SIPA1L1: variants seen among roughly 807,000 people sequenced by gnomAD.
The protein encoded by SIPA1L1 is signal induced proliferation associated 1 like 1, also known as signal-induced proliferation-associated 1-like protein 1.
SIPA1L1 carries 26 observed loss-of-function variants against 162.7 expected under a neutral mutation model. That is an observed-to-expected ratio of 0.16 (90% CI 0.12 to 0.22). SIPA1L1 has a LOEUF of 0.22. Ranked by LOEUF, SIPA1L1 falls within the 10% of genes least tolerant of loss-of-function variation. The probability of loss-of-function intolerance (pLI) is 1.00; values close to 1 mark genes in which losing one functional copy is unlikely to be tolerated. For synonymous variants in SIPA1L1, 829 were observed against 837.4 expected (o/e 0.99, Z 0.17); for missense variants, 1,874 against 2,241.0 (o/e 0.84, Z 3.31).
intron 10 of SIPA1L1, among the ~76,000 whole-genome samples, chr14:71,662,026 G>T (rs1224558948): frequency 6.6e-6 from 1 of 152,222 alleles, no homozygotes; most frequent in Non-Finnish European, 1.5e-5. Flanking sequence ...TTTCTTGTAA[G>T]AATACTAGAG....
In SIPA1L1 at chr14:71,589,104, T is replaced by C; in HGVS notation, c.1232T>C (p.Val411Ala). 6.2e-7 allele frequency: 1 copy of C among 1,614,116 alleles called. No homozygotes were observed. ...GGAGATGATAAAAGCAATGAGCTTGTAATGAGCTGTCCATATTTTCGGAAT... is the reference window on the plus strand; with the variant it reads ...GGAGATGATAAAAGCAATGAGCTTGCAATGAGCTGTCCATATTTTCGGAAT... The part of the protein sequence containing the change: ...DQGDDKSNEL[V>A]MSCPYFRNEI... The change falls in exon 5 of 24, where the codon GTA (valine) becomes GCA (alanine). Residue 411 changes from valine to alanine, a missense_variant. Transcript: ENST00000381232.
intron 2 of SIPA1L1, among the ~76,000 whole-genome samples, chr14:71,469,564 C>T (rs919460998): frequency 2.8e-4 from 43 of 152,276 alleles, no homozygotes; most frequent in African/African-American, 9.9e-4. Context: ...TCTCTCTGCT[C>T]ATCGTAGCGA....
At chr14:71,627,407 A>G (rs2040137388) in intron 7 of SIPA1L1, among the ~76,000 whole-genome samples, 1 of 151,970 alleles carries the variant, frequency 6.6e-6, no homozygotes, top group Non-Finnish European at 1.5e-5. Flanking sequence ...TTGGCCTCCC[A>G]AAGTGCTGGA....
intron 2 of SIPA1L1, among the ~76,000 whole-genome samples, chr14:71,439,857 C>T (rs1234469515): frequency 6.6e-6 from 1 of 152,158 alleles, no homozygotes; most frequent in African/African-American, 2.4e-5. Context: ...TGATGAATCA[C>T]TTGGCAGAAC....
intron 13 of SIPA1L1, among the ~76,000 whole-genome samples, chr14:71,691,021 G>A (rs2081215050): frequency 6.6e-6 from 1 of 152,202 alleles, no homozygotes. Context: ...ATCTACCTGA[G>A]TATCCAGAGC....
chr14:71,544,261 TG>T (rs1567181800), intron 4 of SIPA1L1, among the ~76,000 whole-genome samples: 43 of 106,904 alleles, frequency 4.0e-4, no homozygotes, highest in Admixed American at 1.6e-3. Flanking sequence ...TATATACACA[TG>T]ATATGTGTAT....
At chr14:71,600,955 G>A (rs543933887) in intron 5 of SIPA1L1, among the ~76,000 whole-genome samples, 10 of 152,170 alleles carry the variant, frequency 6.6e-5, no homozygotes, top group Admixed American at 5.2e-4. Context: ...TTTGTATAAT[G>A]CAACTTTATT....
At chr14:71,725,810 T>C (rs2084187727) in intron 19 of SIPA1L1, among the ~76,000 whole-genome samples, 2 of 152,242 alleles carry the variant, frequency 1.3e-5, no homozygotes, top group East Asian at 1.9e-4. Flanking sequence ...AACTTTGAAG[T>C]CTTCTGTTCT....
At chr14:71,335,782 G>GT (rs2035033351) in intron 2 of SIPA1L1, among the ~76,000 whole-genome samples, 1 of 152,172 alleles carries the variant, frequency 6.6e-6, no homozygotes, top group Non-Finnish European at 1.5e-5. Context: ...TAATTGTTAA[G>GT]TTACATAGTC....
intron 7 of SIPA1L1, among the ~76,000 whole-genome samples, chr14:71,639,508 A>G (rs1431791108): frequency 6.6e-6 from 1 of 152,216 alleles, no homozygotes; most frequent in African/African-American, 2.4e-5. Flanking sequence ...AAACTGATAC[A>G]AAGTTTAACT....
chr14:71,431,844 AT>A (rs1163660897), intron 2 of SIPA1L1, among the ~76,000 whole-genome samples: 1 of 152,202 alleles, frequency 6.6e-6, no homozygotes, highest in East Asian at 1.9e-4. Flanking sequence ...AGGCAGATTA[AT>A]TGGAGAAAAG....
intron 4 of SIPA1L1, chr14:71,586,903 A>G (rs2034677879): frequency 6.6e-6 from 1 of 152,118 alleles, no homozygotes. Flanking sequence ...TGAATGCTGG[A>G]TTCATTCTGC....
At position 71,629,332 on chromosome 14, in the gene SIPA1L1, C is replaced by A. The variant is rs554568605; in HGVS notation, c.1818+5096C>A. Among the ~76,000 whole-genome samples, 10 of 152,290 alleles carry A rather than the reference C, an allele frequency of 6.6e-5. No individual in the cohort carries two copies. The South Asian group carries it at 2.1e-3, about 32-fold the overall frequency. The stretch of plus-strand genomic sequence containing the variant: ...AATTAATCCTCAGAATGCTTTGATA[C>A]TATTATTGTTCCTGTTTTATAGCTA... On this transcript the variant is annotated intron_variant, in intron 7 of 23. Transcript: ENST00000381232.
At chr14:71,581,799 AG>A (rs2033966466) in intron 4 of SIPA1L1, among the ~76,000 whole-genome samples, 1 of 152,116 alleles carries the variant, frequency 6.6e-6, no homozygotes, top group Non-Finnish European at 1.5e-5. Context: ...TTTCCTTTAA[AG>A]TGTTATTATA....
chr14:71,709,308 T>C lies in SIPA1L1; in HGVS notation c.3852T>C (p.Asp1284=). The C allele has an allele frequency of 1.9e-6, 3 of 1,614,210 alleles. No individual in the cohort carries two copies. The highest frequency in any genetic ancestry group is 2.5e-6 in the Non-Finnish European group (3 of 1,180,048). The change falls in exon 17 of 24, where the codon GAT becomes GAC. Residue 1284 remains aspartate (D), a synonymous_variant. Transcript: ENST00000381232. ...CCCATAGTGATGAGAAGTGGTACGA[T>C]GGGGACCGCACAGAATCCGAACTCA... is the stretch of plus-strand genomic sequence containing the variant. ...SSAHSDEKWY[D]GDRTESELNS...
intron 2 of SIPA1L1, among the ~76,000 whole-genome samples, chr14:71,416,867 A>G (rs1244359826): frequency 6.6e-6 from 1 of 152,130 alleles, no homozygotes; most frequent in East Asian, 1.9e-4. Flanking sequence ...TAAATACTGA[A>G]TTGAATAAGC....
chr14:71,381,585 C>T (rs750690912), intron 2 of SIPA1L1, among the ~76,000 whole-genome samples: 2 of 152,156 alleles, frequency 1.3e-5, no homozygotes, highest in Admixed American at 6.5e-5. Context: ...CTTGAAAAAT[C>T]GGGTGGATTC....
In SIPA1L1 at chr14:71,724,848, G is replaced by T. The variant is rs374509705; in HGVS notation, c.4614+13G>T. The T allele has an allele frequency of 4.8e-5, 78 of 1,609,490 alleles. No individual in the cohort carries two copies. The highest frequency in any genetic ancestry group is 6.0e-5 in the Non-Finnish European group (71 of 1,178,060). ...GAAGAGTTTTAAGGTACAAGACAGA[G>T]CTCAGGGTAGATGGCAATTAGAAAC... is the stretch of plus-strand genomic sequence containing the variant. On this transcript the variant is annotated intron_variant, in intron 19 of 23. Transcript: ENST00000381232.
chr14:71,640,547 T>C lies in SIPA1L1; in HGVS notation c.1819-9788T>C, dbSNP rs573519166. ...TGATCAGATCAAATCAGAGCTTGTA[T>C]AGGGCTTTGGAGGTTACAAATTGAA... On this transcript the variant is annotated intron_variant, in intron 7 of 23. Coordinates refer to ENST00000381232, the MANE Select transcript of SIPA1L1 (RefSeq NM_001386936.1). Among the ~76,000 whole-genome samples the C allele has an allele frequency of 2.6e-5, 4 of 152,354 alleles. No homozygotes were observed. The South Asian group carries it at 8.3e-4, about 32-fold the overall frequency.
Sources: gnomAD v4.1 joint callset for allele counts (sites outside exome capture counted in the v4.1 genomes callset) on GRCh38, gnomAD v4.1.1 for gene constraint, MANE v1.5 for transcripts, NCBI Gene and HGNC (gene_info 2026-07-23, HGNC 2026-07-21) for gene names.